OSBPL6: variants seen among roughly 807,000 people sequenced by gnomAD.
OSBPL6 encodes oxysterol binding protein like 6.
Under a neutral mutation model 125.8 loss-of-function variants are expected in OSBPL6, and 49 were observed. The observed-to-expected ratio is 0.39, with a 90% CI of 0.31 to 0.49. The LOEUF (loss-of-function observed/expected upper bound fraction) is 0.49. Among genes scored for constraint, OSBPL6 ranks in the 20% least tolerant of loss-of-function variants. OSBPL6 has a pLI of 0.88. For missense variants in OSBPL6, 986 were observed against 1,135.4 expected, an observed-to-expected ratio of 0.87 and a Z score of 1.89; for synonymous variants, 394 against 391.8, an observed-to-expected ratio of 1.01 and a Z score of -0.07.
chr2:178,391,059 T>A lies in OSBPL6; in HGVS notation c.2302-14T>A, dbSNP rs760824620. ...AAGCCATCAAATGTCACAATTGGGG[T>A]TTGGTTTTTCCAGGTGAATTATTGG... is the stretch of plus-strand genomic sequence containing the variant. On this transcript the variant is annotated splice_polypyrimidine_tract_variant and intron_variant, in intron 21 of 24. Coordinates refer to ENST00000190611, the MANE Select transcript of OSBPL6 (RefSeq NM_032523.4). 6.2e-7 allele frequency: 1 copy of A among 1,612,156 alleles called. No homozygotes were observed. The highest frequency in any genetic ancestry group is 8.5e-7 in the Non-Finnish European group (1 of 1,179,310).
intron 1 of OSBPL6, among the ~76,000 whole-genome samples, chr2:178,211,572 C>T (rs796275530): frequency 6.6e-6 from 1 of 152,174 alleles, no homozygotes; most frequent in Non-Finnish European, 1.5e-5. Context: ...CAGCCAGATG[C>T]CATTTTGATA....
chr2:178,348,790 G>A (rs1033769410), intron 11 of OSBPL6, among the ~76,000 whole-genome samples: 1 of 152,190 alleles, frequency 6.6e-6, no homozygotes, highest in Non-Finnish European at 1.5e-5. Context: ...GAATCTTCCA[G>A]TATATGCATC....
chr2:178,319,205 A>T (rs1242476079), intron 3 of OSBPL6, among the ~76,000 whole-genome samples: 1 of 152,232 alleles, frequency 6.6e-6, no homozygotes, highest in South Asian at 2.1e-4. Flanking sequence ...GAAAATTACA[A>T]ATTGTCTGGT....
chr2:178,224,481 T>C (rs12989763), intron 1 of OSBPL6, among the ~76,000 whole-genome samples: 7 of 152,268 alleles, frequency 4.6e-5, no homozygotes, highest in African/African-American at 1.7e-4. Flanking sequence ...GATTGACTCC[T>C]TTTTAAGGAA....
At chr2:178,309,673 A>C (rs1687091574) in intron 3 of OSBPL6, among the ~76,000 whole-genome samples, 1 of 152,240 alleles carries the variant, frequency 6.6e-6, no homozygotes, top group Admixed American at 6.5e-5. Context: ...AGGCTTTAAT[A>C]ATTGTTCCAT....
At chr2:178,297,644 A>G (rs976976153) in intron 2 of OSBPL6, among the ~76,000 whole-genome samples, 6 of 152,228 alleles carry the variant, frequency 3.9e-5, no homozygotes, top group African/African-American at 1.4e-4. Flanking sequence ...GATCTTACAG[A>G]ATCAAGTCAA....
intron 1 of OSBPL6, among the ~76,000 whole-genome samples, chr2:178,284,582 G>C (rs556367241): frequency 6.6e-6 from 1 of 151,908 alleles, no homozygotes; most frequent in Non-Finnish European, 1.5e-5. Flanking sequence ...AAAAAGCCCT[G>C]TTGAGGTTTA....
chr2:178,342,308 A>T (rs1439133878), intron 11 of OSBPL6, among the ~76,000 whole-genome samples: 1 of 152,172 alleles, frequency 6.6e-6, no homozygotes, highest in African/African-American at 2.4e-5. Context: ...TGTTGTTGTT[A>T]TCAATGTTGT....
chr2:178,276,616 AT>A (rs1292213025), intron 1 of OSBPL6, among the ~76,000 whole-genome samples: 3 of 151,920 alleles, frequency 2.0e-5, no homozygotes, highest in African/African-American at 7.2e-5. Context: ...CAAGTGATCC[AT>A]CCACGTCGGC....
intron 5 of OSBPL6, among the ~76,000 whole-genome samples, chr2:178,328,824 G>A (rs541628773): frequency 6.6e-6 from 1 of 152,106 alleles, no homozygotes; most frequent in Non-Finnish European, 1.5e-5. Context: ...TTAACCACAT[G>A]GGTTGTAGTC....
At chr2:178,247,692 A>G (rs538666943) in intron 1 of OSBPL6, among the ~76,000 whole-genome samples, 1 of 151,932 alleles carries the variant, frequency 6.6e-6, no homozygotes, top group African/African-American at 2.4e-5. Flanking sequence ...GCCTTTCCCT[A>G]CTTGTAGCTG....
At chr2:178,196,450 C>T (rs2088893415) in intron 1 of OSBPL6, among the ~76,000 whole-genome samples, 1 of 152,100 alleles carries the variant, frequency 6.6e-6, no homozygotes, top group Admixed American at 6.6e-5. Context: ...GATGGATTAC[C>T]TTTGGCGGTA....
intron 1 of OSBPL6, among the ~76,000 whole-genome samples, chr2:178,239,753 G>T (rs1204415152): frequency 1.3e-5 from 2 of 151,506 alleles, no homozygotes; most frequent in African/African-American, 2.4e-5. Flanking sequence ...AGCCTCCCGA[G>T]TAGCTGGGAC....
At chr2:178,283,483 C>A (rs188512026) in intron 1 of OSBPL6, among the ~76,000 whole-genome samples, 1 of 151,900 alleles carries the variant, frequency 6.6e-6, no homozygotes. Context: ...AATAAAGGAG[C>A]CTGCTAGAGA....
At chr2:178,382,726 T>G in intron 16 of OSBPL6, 1 of 1,446,194 alleles carries the variant, frequency 6.9e-7, no homozygotes, top group Non-Finnish European at 9.1e-7. Flanking sequence ...TTTTTCCTCT[T>G]TCTCAAACCA....
At chr2:178,269,517 A>G (rs1478212950) in intron 1 of OSBPL6, among the ~76,000 whole-genome samples, 3 of 152,220 alleles carry the variant, frequency 2.0e-5, no homozygotes, top group African/African-American at 7.2e-5. Context: ...CAGCAATGTA[A>G]GAGAATTTAA....
chr2:178,265,054 T>G (rs2092186145), intron 1 of OSBPL6, among the ~76,000 whole-genome samples: 1 of 151,076 alleles, frequency 6.6e-6, no homozygotes, highest in African/African-American at 2.4e-5. Context: ...TCACTTTTTT[T>G]TTAGAGATGA....
intron 1 of OSBPL6, among the ~76,000 whole-genome samples, chr2:178,219,174 A>T (rs1204187743): frequency 6.6e-6 from 1 of 152,198 alleles, no homozygotes; most frequent in African/African-American, 2.4e-5. Context: ...ACTGTAAAAA[A>T]ATGGAGTTTT....
chr2:178,340,677 A>G (rs753444248), intron 11 of OSBPL6, among the ~76,000 whole-genome samples: 2 of 152,142 alleles, frequency 1.3e-5, no homozygotes, highest in Non-Finnish European at 2.9e-5. Context: ...TTAAAATTAT[A>G]CTACAAATAA....
Sources: allele counts gnomAD v4.1 joint callset (sites outside exome capture counted in the v4.1 genomes callset), GRCh38; gene constraint gnomAD v4.1.1; transcripts MANE v1.5; gene names NCBI Gene and HGNC (gene_info 2026-07-23, HGNC 2026-07-21).